The following BRIP1 variants were observed in gnomAD, a reference collection of about 807,000 sequenced individuals.
BRIP1 encodes the protein BRCA1 interacting DNA helicase 1.
A neutral mutation model predicts 119.7 loss-of-function variants in BRIP1; 88 were observed. That is an observed-to-expected ratio of 0.74 (90% confidence interval 0.62 to 0.88). The LOEUF (loss-of-function observed/expected upper bound fraction) is 0.88. Ranked by LOEUF, BRIP1 falls within the 40% of genes least tolerant of loss-of-function variation. The probability of loss-of-function intolerance (pLI) is 0.00; values close to 1 mark genes in which losing one functional copy is unlikely to be tolerated. For synonymous variants in BRIP1, 443 were observed against 496.5 expected, an observed-to-expected ratio of 0.89 and a Z score of 1.43; for missense variants, 1,259 against 1,455.4, an observed-to-expected ratio of 0.87 and a Z score of 2.20.
At position 61,730,007 on chromosome 17, in the gene BRIP1, C is replaced by A. The variant is rs1352866804; in HGVS notation, c.2379+13006G>T. Among the ~76,000 whole-genome samples, 2 of 152,164 alleles carry A rather than the reference C, an allele frequency of 1.3e-5. No homozygotes were observed. The highest frequency in any genetic ancestry group is 3.8e-4 in the East Asian group (2 of 5,196). On this transcript the variant is annotated intron_variant, in intron 16 of 19. Coordinates refer to ENST00000259008, the MANE Select transcript of BRIP1 (RefSeq NM_032043.3). This position sits in a 1 kb window ranked among gnomAD's most constrained non-coding sequence, Gnocchi z 4.3. ...ATAGTGCCAAGTTTGAGAAACACAG[C>A]TTGAAAGTAATTTCAAGTCACAAAT...
rs2078140374 is a variant in BRIP1, at chr17:61,810,168, T to C, written c.628-1411A>G. 6.6e-6 allele frequency among the ~76,000 whole-genome samples: 1 copy of C among 152,246 alleles called. No homozygotes were observed. The highest frequency in any genetic ancestry group is 2.4e-5 in the African/African-American group (1 of 41,462). On this transcript the variant is annotated intron_variant, in intron 6 of 19. Coordinates refer to ENST00000259008, the MANE Select transcript of BRIP1 (RefSeq NM_032043.3). This position sits in a 1 kb window ranked among gnomAD's most constrained non-coding sequence, Gnocchi z 4.7. Reference sequence around the variant, plus strand: ...AACAGCAGATTTCATTACAGAGTGCTGCCACATTAAATAGCCAGTTCCAAA... The same window carrying C: ...AACAGCAGATTTCATTACAGAGTGCCGCCACATTAAATAGCCAGTTCCAAA...
Position 61,713,070 on chromosome 17 carries a change from G to A in BRIP1, c.2492+2881C>T, listed in dbSNP as rs983515969. 1.3e-5 allele frequency among the ~76,000 whole-genome samples: 2 copies of A among 152,242 alleles called. No individual in the cohort carries two copies. The highest frequency in any genetic ancestry group is 2.9e-5 in the Non-Finnish European group (2 of 68,022). On this transcript the variant is annotated intron_variant, in intron 17 of 19. Transcript: ENST00000259008. The surrounding 1 kb of genome is among the most constrained non-coding windows in gnomAD (Gnocchi z 4.9). ...AGTGGTCCCATAAGATTATAATGGA[G>A]CTGAAAAATTCCTATCACCTAGTGA...
rs2076810749 is a variant in BRIP1 at position 61,729,202 on chromosome 17, C to T, written c.2380-13139G>A. Among the ~76,000 whole-genome samples, 1 of 152,054 alleles carries T rather than the reference C, an allele frequency of 6.6e-6. No individual in the cohort carries two copies. Among genetic ancestry groups the T allele is most frequent in the Admixed American group, 6.6e-5 (1 of 15,256 alleles). Reference sequence around the variant, plus strand: ...GCTGAGGCAGGAGGATCGCTTGAGCCTGGGAGGTGGAGGTTGTGGTGAGCC... The same window carrying T: ...GCTGAGGCAGGAGGATCGCTTGAGCTTGGGAGGTGGAGGTTGTGGTGAGCC... On this transcript the variant is annotated intron_variant, in intron 16 of 19. Transcript: ENST00000259008. This position sits in a 1 kb window ranked among gnomAD's most constrained non-coding sequence, Gnocchi z 5.6.
At position 61,720,641 on chromosome 17, in the gene BRIP1, C is replaced by G. The variant is rs1189405001; in HGVS notation, c.2380-4578G>C. ...TCCATCCCACTCAGATGTGAATCAT[C>G]CCTTTGTCCAGTATATCCATGCTGT... On this transcript the variant is annotated intron_variant, in intron 16 of 19. Transcript: ENST00000259008. This position sits in a 1 kb window ranked among gnomAD's most constrained non-coding sequence, Gnocchi z 4.3. Among the ~76,000 whole-genome samples the G allele has an allele frequency of 2.0e-5, 3 of 152,134 alleles. No homozygotes were observed. Among genetic ancestry groups the G allele is most frequent in the Admixed American group, 2.0e-4 (3 of 15,278 alleles).
Position 61,683,228 on chromosome 17 carries a change from A to G in BRIP1, c.*68T>C, listed in dbSNP as rs992497768. 2.2e-5 allele frequency: 33 copies of G among 1,476,314 alleles called. No homozygotes were observed. The African/African-American group carries it at 2.7e-4, about 12-fold the overall frequency. The allele number at this position is 1,476,314 out of a possible 1,614,324, so 91.5% of individuals were successfully genotyped here. ...ATGCCACTTATTCAATTTACAAATT[A>G]TTACTTACAACAGAGTTTAACATAA... On this transcript the variant is annotated 3_prime_UTR_variant, in exon 20 of 20. Transcript: ENST00000259008. This position sits in a 1 kb window ranked among gnomAD's most constrained non-coding sequence, Gnocchi z 4.7.
chr17:61,718,744 A>G (rs2061923044), intron 16 of BRIP1, among the ~76,000 whole-genome samples: 1 of 152,204 alleles, frequency 6.6e-6, no homozygotes, highest in Non-Finnish European at 1.5e-5. Context: ...GTAGTATTCC[A>G]GGACAAGTAT....
chr17:61,714,164 A>G (rs2061822755), intron 17 of BRIP1, among the ~76,000 whole-genome samples: 1 of 152,102 alleles, frequency 6.6e-6, no homozygotes, highest in Admixed American at 6.5e-5. Context: ...AAAAGTCAGA[A>G]TAAGCTCAGG....
chr17:61,730,135 A>G lies in BRIP1; in HGVS notation c.2379+12878T>C, dbSNP rs1028468180. Reference sequence around the variant, plus strand: ...TGTGTCCTACAGTTACAAAGTATAAACTGAACTCATTCCCAAGCTTTCAAG... The same window carrying G: ...TGTGTCCTACAGTTACAAAGTATAAGCTGAACTCATTCCCAAGCTTTCAAG... On this transcript the variant is annotated intron_variant, in intron 16 of 19. Coordinates refer to ENST00000259008, the MANE Select transcript of BRIP1 (RefSeq NM_032043.3). This position sits in a 1 kb window ranked among gnomAD's most constrained non-coding sequence, Gnocchi z 4.3. 4.6e-5 allele frequency among the ~76,000 whole-genome samples: 7 copies of G among 152,206 alleles called. No homozygotes were observed. Among genetic ancestry groups the G allele is most frequent in the Admixed American group, 2.6e-4 (4 of 15,282 alleles).
rs2077153777 is a variant in BRIP1 at position 61,753,114 on chromosome 17, A to C, written c.2098-8523T>G. ...TGGCTTTATACAAAAAGGAATAGAGACTCGAGCTTGTATACTCAGCCTCCT... is the reference window on the plus strand; with the variant it reads ...TGGCTTTATACAAAAAGGAATAGAGCCTCGAGCTTGTATACTCAGCCTCCT... On this transcript the variant is annotated intron_variant, in intron 14 of 19. Transcript: ENST00000259008. The surrounding 1 kb of genome is among the most constrained non-coding windows in gnomAD (Gnocchi z 4.6). Among the ~76,000 whole-genome samples the C allele has an allele frequency of 6.6e-6, 1 of 151,646 alleles. No homozygotes were observed. The highest frequency in any genetic ancestry group is 2.1e-4 in the South Asian group (1 of 4,804).
chr17:61,797,219 A>G (rs951164344), intron 9 of BRIP1, among the ~76,000 whole-genome samples: 1 of 151,994 alleles, frequency 6.6e-6, no homozygotes, highest in Non-Finnish European at 1.5e-5. Flanking sequence ...GAACTACAGA[A>G]GAAACTAGGT....
rs566354039 is a variant in BRIP1, at chr17:61,770,147, A to G, written c.2097+6254T>C. On this transcript the variant is annotated intron_variant, in intron 14 of 19. Transcript: ENST00000259008. This position sits in a 1 kb window ranked among gnomAD's most constrained non-coding sequence, Gnocchi z 4.7. ...CCTAAACTGCAGCTCCCTGCCATCT[A>G]ATCTTATGATATGAATGAAGAGCTC... is the stretch of plus-strand genomic sequence containing the variant. 1.3e-3 allele frequency among the ~76,000 whole-genome samples: 204 copies of G among 152,338 alleles called. No individual in the cohort carries two copies. The highest frequency in any genetic ancestry group is 4.7e-3 in the African/African-American group (196 of 41,586).
intron 6 of BRIP1, among the ~76,000 whole-genome samples, chr17:61,840,396 A>C (rs1396413759): frequency 1.3e-5 from 2 of 151,600 alleles, no homozygotes; most frequent in Non-Finnish European, 2.9e-5. Flanking sequence ...TTTCTACTAA[A>C]CTCTAAACCT....
At chr17:61,863,034 C>T (rs894568113) in intron 1 of BRIP1, among the ~76,000 whole-genome samples, 4 of 152,266 alleles carry the variant, frequency 2.6e-5, no homozygotes, top group Admixed American at 6.5e-5. Context: ...TAGCTTCCCC[C>T]AAACATTGCA....
At chr17:61,786,965 T>TATTTATATTTATAA (rs1300611319) in intron 10 of BRIP1, among the ~76,000 whole-genome samples, 1 of 47,752 alleles carries the variant, frequency 2.1e-5, no homozygotes, top group African/African-American at 1.2e-4. Context: ...ATTTATATTA[T>TATTTATATTTATAA]ATTTATATTT....
Position 61,683,429 on chromosome 17 carries a change from A to G in BRIP1, c.3617T>C (p.Ile1206Thr). ...TTTTACATTACCATCAATGTCATCA[A>G]TTTTACTTTCTTCAATATGCAGAAT... ...NGILHIEESK[I>T]DDIDGNVKTT... Residue 1206 changes from isoleucine (I) to threonine (T), a missense_variant, in exon 20 of 20, where the codon ATT becomes ACT. Physicochemically the swap from Ile to Thr is moderately conservative, Grantham distance 89 (BLOSUM62 -1). Transcript: ENST00000259008. This position sits in a 1 kb window ranked among gnomAD's most constrained non-coding sequence, Gnocchi z 4.7. 2 of 1,613,622 alleles carry G rather than the reference A, an allele frequency of 1.2e-6. No homozygotes were observed.
chr17:61,777,495 G>A (rs967176031), intron 13 of BRIP1, among the ~76,000 whole-genome samples: 1 of 152,082 alleles, frequency 6.6e-6, no homozygotes, highest in Admixed American at 6.5e-5. Flanking sequence ...GATTTCTGTG[G>A]CCAGTCACAG....
In BRIP1 at chr17:61,743,154, CA is replaced by C. The variant is rs1474570916; in HGVS notation, c.2258-21del. 7 of 1,613,332 alleles carry C rather than the reference CA, an allele frequency of 4.3e-6. No individual in the cohort carries two copies. The highest frequency in any genetic ancestry group is 5.1e-6 in the Non-Finnish European group (6 of 1,179,466). ...CTCCATCTTAAACAACAGAAAAAAG[CA>C]TATCCAAAATTCTCAGAAATTGCTT... On this transcript the variant is annotated intron_variant, in intron 15 of 19. Transcript: ENST00000259008. This position sits in a 1 kb window ranked among gnomAD's most constrained non-coding sequence, Gnocchi z 4.3.
rs1336742410 is a variant in BRIP1, at chr17:61,686,292, C to T, written c.2576-127G>A. ...TGTATTTTGAATATACAGAATGGTT[C>T]TCCATATGTTTTTTCTGCAATTCAG... On this transcript the variant is annotated intron_variant, in intron 18 of 19. Coordinates refer to ENST00000259008, the MANE Select transcript of BRIP1 (RefSeq NM_032043.3). The surrounding 1 kb of genome is among the most constrained non-coding windows in gnomAD (Gnocchi z 5.4). 1.1e-6 allele frequency: 1 copy of T among 873,558 alleles called. No homozygotes were observed. The highest frequency in any genetic ancestry group is 1.7e-5 in the African/African-American group (1 of 59,282). The allele number at this position is 873,558 out of a possible 1,614,324, so 54.1% of individuals were successfully genotyped here. A position where few individuals can be genotyped will look rare whatever the true frequency, so the allele number is the denominator to read the frequency against.
rs545524794 is a variant in BRIP1, at chr17:61,780,491, G to C, written c.1795-90C>G. ...ACCTGTAATCCCAGCACTTTGGGAG[G>C]CTGAAGCAGGAAGATCGCTTGAGTC... On this transcript the variant is annotated intron_variant, in intron 12 of 19. Coordinates refer to ENST00000259008, the MANE Select transcript of BRIP1 (RefSeq NM_032043.3). The surrounding 1 kb of genome is among the most constrained non-coding windows in gnomAD (Gnocchi z 5.4). 6 of 1,171,304 alleles carry C rather than the reference G, an allele frequency of 5.1e-6. No individual in the cohort carries two copies. In the Middle Eastern group the frequency reaches 8.2e-4, roughly 160 times the overall value. The allele number at this position is 1,171,304 out of a possible 1,614,324, so 72.6% of individuals were successfully genotyped here. A position where few individuals can be genotyped will look rare whatever the true frequency, so the allele number is the denominator to read the frequency against.
Sources: allele counts gnomAD v4.1 joint callset (sites outside exome capture counted in the v4.1 genomes callset), GRCh38; gene constraint gnomAD v4.1.1; non-coding constraint Gnocchi (gnomAD v3.1); transcripts MANE v1.5; gene names NCBI Gene and HGNC (gene_info 2026-07-23, HGNC 2026-07-21).